Variants in BDP1 observed in about 807,000 individuals in gnomAD.
The protein encoded by BDP1 is BDP1 general transcription factor IIIB subunit.
BDP1 carries 169 observed loss-of-function variants against 266.6 expected under a neutral mutation model. That is an observed-to-expected ratio of 0.63 (90% CI 0.56 to 0.72). The LOEUF (loss-of-function observed/expected upper bound fraction) is 0.72, where lower values mean the gene tolerates loss of function less well. Ranked by LOEUF, BDP1 falls within the 30% of genes least tolerant of loss-of-function variation. The probability of loss-of-function intolerance (pLI) is 0.00; values close to 1 mark genes in which losing one functional copy is unlikely to be tolerated. For missense variants in BDP1, 3,015 were observed against 3,053.8 expected (o/e 0.99, Z 0.30); for synonymous variants, 1,090 against 1,022.4 (o/e 1.07, Z -1.26).
chr5:71,489,401 C>G lies in BDP1; in HGVS notation c.1214-3C>G. On this transcript the variant is annotated splice_region_variant and splice_polypyrimidine_tract_variant and intron_variant, in intron 9 of 38. Transcript: ENST00000358731. ...TATTTATAGTAATTTCTCTTGTTTT[C>G]AGTGAAAAAAGTTGCCTGTGAAGGA... 6.3e-7 allele frequency: 1 copy of G among 1,574,894 alleles called. No homozygotes were observed. Among genetic ancestry groups the G allele is most frequent in the African/African-American group, 1.4e-5 (1 of 72,724 alleles).
intron 7 of BDP1, among the ~76,000 whole-genome samples, chr5:71,472,596 A>C (rs900251346): frequency 1.3e-5 from 2 of 151,982 alleles, no homozygotes; most frequent in Non-Finnish European, 2.9e-5. Flanking sequence ...ATTTTGCTAC[A>C]TTTTCTTGAG....
At chr5:71,499,462 C>CA (rs961785607) in intron 13 of BDP1, among the ~76,000 whole-genome samples, 4 of 151,904 alleles carry the variant, frequency 2.6e-5, no homozygotes, top group African/African-American at 9.7e-5. Context: ...ACTAAAAATA[C>CA]AAAAAAATTA....
chr5:71,540,782 C>T (rs893585653), intron 28 of BDP1, among the ~76,000 whole-genome samples: 5 of 151,986 alleles, frequency 3.3e-5, no homozygotes, highest in Non-Finnish European at 7.4e-5. Flanking sequence ...ACAAAAAATA[C>T]AAAAAATTAG....
intron 38 of BDP1, among the ~76,000 whole-genome samples, chr5:71,563,174 C>T (rs568674315): frequency 5.9e-5 from 9 of 152,262 alleles, no homozygotes; most frequent in African/African-American, 1.9e-4. Flanking sequence ...GACAGAGTCT[C>T]ACTCACTCTG....
intron 7 of BDP1, among the ~76,000 whole-genome samples, chr5:71,478,026 G>A (rs1271881942): frequency 6.6e-6 from 1 of 152,138 alleles, no homozygotes; most frequent in South Asian, 2.1e-4. Flanking sequence ...CGAGGCAGGC[G>A]GATCACCTGA....
Position 71,470,553 on chromosome 5 carries a change from T to G in BDP1, c.1014+64T>G, listed in dbSNP as rs184323030. 3.0e-4 allele frequency: 322 copies of G among 1,056,252 alleles called. No individual in the cohort carries two copies. In the East Asian group the frequency reaches 4.1e-3, roughly 13 times the overall value. 65.4% of individuals were successfully genotyped at this position (1,056,252 alleles called of 1,614,324 possible). On this transcript the variant is annotated intron_variant, in intron 7 of 38. Coordinates refer to ENST00000358731, the MANE Select transcript of BDP1 (RefSeq NM_018429.3). ...CCAAACATTACAAATGTTAGTAGTA[T>G]TATTCGCTTACCTTTGGTTTAAATC...
At position 71,464,496 on chromosome 5, in the gene BDP1, T is replaced by TA. The variant is rs948279758; in HGVS notation, c.659+388dup. Among the ~76,000 whole-genome samples, 22 of 151,408 alleles carry TA rather than the reference T, an allele frequency of 1.5e-4. No individual in the cohort carries two copies. The East Asian group carries it at 1.8e-3, about 12-fold the overall frequency. ...GGTGACAGAGCAAGACTTTGTCTCT[T>TA]AAAAAAAAATTACATTTGGTTGGGC... On this transcript the variant is annotated intron_variant, in intron 4 of 38. Coordinates refer to ENST00000358731, the MANE Select transcript of BDP1 (RefSeq NM_018429.3).
At chr5:71,557,760 A>T in intron 36 of BDP1, among the ~76,000 whole-genome samples, 1 of 133,774 alleles carries the variant, frequency 7.5e-6, no homozygotes, top group African/African-American at 2.7e-5. Context: ...CTGGTCTTGA[A>T]CTCCTGGCTT....
chr5:71,502,489 A>G, intron 14 of BDP1, 110 bp from the exon 15 acceptor site: 1 of 1,053,196 alleles, frequency 9.5e-7, no homozygotes, highest in Non-Finnish European at 1.3e-6. Flanking sequence ...ATGTCTTTTC[A>G]GGAAACTTGT....
In BDP1 at chr5:71,567,781, T is replaced by C. The variant is rs1744118396; in HGVS notation, c.*2896T>C. The C allele has an allele frequency of 6.6e-6, 1 of 152,520 alleles. No individual in the cohort carries two copies. Among genetic ancestry groups the C allele is most frequent in the South Asian group, 2.1e-4 (1 of 4,830 alleles). 9.4% of individuals were successfully genotyped at this position (152,520 alleles called of 1,614,324 possible). On this transcript the variant is annotated 3_prime_UTR_variant, in exon 39 of 39. Transcript: ENST00000358731. ...TCTTGTTCTAAAGAAAGCAGTTATA[T>C]ATATATATAAATTATGTAAATAAAA...
At chr5:71,507,071 C>T (rs182404783) in intron 16 of BDP1, among the ~76,000 whole-genome samples, 1 of 152,232 alleles carries the variant, frequency 6.6e-6, no homozygotes, top group Non-Finnish European at 1.5e-5. Context: ...ATCCTCCTTC[C>T]TTGGCCTCCC....
At chr5:71,491,878 TG>T (rs1441334037) in intron 11 of BDP1, among the ~76,000 whole-genome samples, 1 of 152,118 alleles carries the variant, frequency 6.6e-6, no homozygotes, top group Non-Finnish European at 1.5e-5. Context: ...CCACCATACC[TG>T]GATAATTTCT....
At chr5:71,539,505 A>T in intron 27 of BDP1, 52 bp from the exon 28 acceptor site, 1 of 1,433,432 alleles carries the variant, frequency 7.0e-7, no homozygotes, top group South Asian at 1.2e-5. Flanking sequence ...TTTTAAGTGA[A>T]CAGATTTCCG....
At chr5:71,476,651 C>T (rs1028430014) in intron 7 of BDP1, among the ~76,000 whole-genome samples, 1 of 152,148 alleles carries the variant, frequency 6.6e-6, no homozygotes, top group Non-Finnish European at 1.5e-5. Flanking sequence ...AGCCCTTCTC[C>T]TGCTTCAGCC....
intron 34 of BDP1, among the ~76,000 whole-genome samples, chr5:71,551,339 A>G (rs1561781960): frequency 6.6e-6 from 1 of 152,174 alleles, no homozygotes; most frequent in African/African-American, 2.4e-5. Context: ...GCGTTCAAGC[A>G]TCTGTTTAAC....
chr5:71,465,401 A>G (rs868318612), intron 4 of BDP1, among the ~76,000 whole-genome samples: 5 of 152,208 alleles, frequency 3.3e-5, no homozygotes, highest in Middle Eastern at 6.8e-3. Flanking sequence ...AGCTGGGACT[A>G]TAGGCACGCA....
chr5:71,576,623 A>G, the BDP1 span, among the ~76,000 whole-genome samples: 2 of 152,206 alleles, frequency 1.3e-5, no homozygotes, highest in Non-Finnish European at 2.9e-5. Flanking sequence ...AAAACAATCT[A>G]TGTTAACTGG....
chr5:71,481,391 GAAAAAAA>G (rs58798987), intron 7 of BDP1, among the ~76,000 whole-genome samples: 3 of 63,844 alleles, frequency 4.7e-5, no homozygotes, highest in African/African-American at 1.4e-4. Context: ...TCTCTACAAA[GAAAAAAA>G]AAAAAAAAAA....
chr5:71,549,843 A>G (rs1742617848), intron 34 of BDP1, among the ~76,000 whole-genome samples: 1 of 152,238 alleles, frequency 6.6e-6, no homozygotes, highest in South Asian at 2.1e-4. Flanking sequence ...AGTTATTTTG[A>G]AAGCTAAAAA....
Sources: allele counts gnomAD v4.1 joint callset (sites outside exome capture counted in the v4.1 genomes callset), GRCh38; gene constraint gnomAD v4.1.1; transcripts MANE v1.5; gene names NCBI Gene and HGNC (gene_info 2026-07-23, HGNC 2026-07-21).